The following MYO1C variants were observed in gnomAD, a reference collection of about 807,000 sequenced individuals.
The protein encoded by MYO1C is myosin IC.
Under a neutral mutation model 150.8 loss-of-function variants are expected in MYO1C, and 104 were observed. The observed-to-expected ratio is 0.69, with a 90% CI of 0.59 to 0.81. The LOEUF (loss-of-function observed/expected upper bound fraction) is 0.81, where lower values mean the gene tolerates loss of function less well. Ranked by LOEUF, MYO1C falls within the 30% of genes least tolerant of loss-of-function variation. MYO1C has a pLI of 0.00. For missense variants in MYO1C, 1,504 were observed against 1,435.0 expected (o/e 1.05, Z -0.78); for synonymous variants, 663 against 579.9 (o/e 1.14, Z -2.06).
intron 5 of MYO1C, 70 bp downstream of exon 5, chr17:1,482,408 A>T: frequency 7.4e-7 from 1 of 1,349,990 alleles, no homozygotes; most frequent in East Asian, 2.3e-5. Context: ...AGTCCCTGGT[A>T]CCCAGTAGGT....
chr17:1,483,650 G>A lies in MYO1C; in HGVS notation c.307C>T (p.Arg103Cys), dbSNP rs910022942. 5.0e-6 allele frequency: 8 copies of A among 1,612,918 alleles called. No homozygotes were observed. Among genetic ancestry groups the A allele is most frequent in the East Asian group, 2.2e-5 (1 of 44,878 alleles). ...LQIYSRQHME[R>C]YRGVSFYEVP... Reference sequence around the variant, plus strand: ...TCATAGAAGCTGACGCCACGGTAACGCTCCATATGCTGCCGGCTGTAGATC... The same window carrying A: ...TCATAGAAGCTGACGCCACGGTAACACTCCATATGCTGCCGGCTGTAGATC... The change falls in exon 3 of 32, where the codon CGT (arginine) becomes TGT (cysteine). Residue 103 changes from arginine (R) to cysteine (C), a missense_variant. Arg to Cys is a radical substitution (Grantham distance 180, BLOSUM62 -3). Transcript: ENST00000648651.
rs1362873213 is a variant in MYO1C at position 1,483,730 on chromosome 17, G to A, written c.232-5C>T. ...CAGGACGGGGCCAATGTAGGTCTGG[G>A]ATCGGGGGAAGAGGGTCCAAAGTTT... is the stretch of plus-strand genomic sequence containing the variant. On this transcript the variant is annotated splice_region_variant and splice_polypyrimidine_tract_variant and intron_variant, in intron 2 of 31. Transcript: ENST00000648651. The A allele has an allele frequency of 3.1e-6, 5 of 1,602,708 alleles. No homozygotes were observed. Among genetic ancestry groups the A allele is most frequent in the Non-Finnish European group, 4.3e-6 (5 of 1,173,672 alleles).
At position 1,467,537 on chromosome 17, in the gene MYO1C, A is replaced by G. The variant is rs1043216972; in HGVS notation, c.3008T>C (p.Leu1003Pro). 1 of 1,613,416 alleles carries G rather than the reference A, an allele frequency of 6.2e-7. No individual in the cohort carries two copies. The highest frequency in any genetic ancestry group is 8.5e-7 in the Non-Finnish European group (1 of 1,179,908). Reference sequence around the variant, plus strand: ...GTTGGCACTGAGGGCTGTCTTGGTCAGCGTCTCAATCACGTGGTCACTCTG... The same window carrying G: ...GTTGGCACTGAGGGCTGTCTTGGTCGGCGTCTCAATCACGTGGTCACTCTG... ...VLQSDHVIET[L>P]TKTALSANRV... Residue 1003 changes from leucine (L) to proline (P), a missense_variant, in exon 30 of 32, where the codon CTG becomes CCG. Coordinates refer to ENST00000648651, the MANE Select transcript of MYO1C (RefSeq NM_001080779.2).
intron 5 of MYO1C, 101 bp from the exon 6 acceptor site, chr17:1,480,986 T>C: frequency 7.5e-7 from 1 of 1,326,126 alleles, no homozygotes; most frequent in South Asian, 1.2e-5. Flanking sequence ...CAGCCAGACC[T>C]GGATGCCAAT....
chr17:1,482,852 G>A lies in MYO1C; in HGVS notation c.546+9C>T, dbSNP rs367625594. The A allele has an allele frequency of 2.2e-5, 35 of 1,608,394 alleles. No individual in the cohort carries two copies. The highest frequency in any genetic ancestry group is 1.7e-5 in the Admixed American group (1 of 59,718). On this transcript the variant is annotated intron_variant, in intron 4 of 31. Transcript: ENST00000648651. ...GCACTGGCACTGGGCTTCTCTCCCT[G>A]CCCCTCACCTCCAGCACCGGGTTGC...
intron 4 of MYO1C, 138 bp downstream of exon 4, chr17:1,482,723 T>TCCC (rs1567531601): frequency 1.1e-5 from 2 of 187,638 alleles, no homozygotes; most frequent in African/African-American, 1.9e-4. Flanking sequence ...CCTCCCCTCC[T>TCCC]GCACTGGGCT....
intron 1 of MYO1C, 62 bp from the exon 2 acceptor site, chr17:1,484,365 C>G: frequency 6.3e-7 from 1 of 1,589,814 alleles, no homozygotes; most frequent in Non-Finnish European, 8.5e-7. Flanking sequence ...GGCCACTTCC[C>G]TGCGCCTGTG....
intron 5 of MYO1C, 76 bp downstream of exon 5, chr17:1,482,402 C>A: frequency 7.6e-7 from 1 of 1,320,246 alleles, no homozygotes; most frequent in Non-Finnish European, 1.1e-6. Context: ...TGGAATAGTC[C>A]CTGGTACCCA....
chr17:1,474,852 A>C lies in MYO1C; in HGVS notation c.1676T>G (p.Leu559Arg), dbSNP rs1186830827. The part of the protein sequence containing the change: ...GEVTYSVTGF[L>R]DKNNDLLFRN... The stretch of plus-strand genomic sequence containing the variant: ...GAAGAGAAGGTCATTGTTTTTGTCC[A>C]GAAACCCTGGGAGGGGAGAACCGAC... Residue 559 changes from leucine to arginine, a missense_variant, in exon 16 of 32, where the codon CTG becomes CGG. Coordinates refer to ENST00000648651, the MANE Select transcript of MYO1C (RefSeq NM_001080779.2). 1 of 1,613,152 alleles carries C rather than the reference A, an allele frequency of 6.2e-7. No homozygotes were observed. Among genetic ancestry groups the C allele is most frequent in the East Asian group, 2.2e-5 (1 of 44,870 alleles).
At chr17:1,474,450 A>AG (rs1567521533) in intron 17 of MYO1C, among the ~76,000 whole-genome samples, 160 bp downstream of exon 17, 2 of 143,818 alleles carry the variant, frequency 1.4e-5, no homozygotes, top group Admixed American at 6.9e-5. Context: ...AAAAAAAAAA[A>AG]GTAGGCAAAG....
At chr17:1,484,534 A>C in intron 1 of MYO1C, 1 of 611,580 alleles carries the variant, frequency 1.6e-6, no homozygotes, top group East Asian at 2.8e-5. Flanking sequence ...CAGCAGAGGG[A>C]TCACCGAGGC....
rs2074223649 is a variant in MYO1C, at chr17:1,468,308, C to T, written c.2705G>A (p.Gly902Asp). ...VPRLFISTRL[G>D]TDEISPRVLQ... ...CACTCGGGGGCTGATCTCATCTGTA[C>T]CTGCAACTCAGATGGCGGGGAGGGA... Residue 902 changes from glycine to aspartate, a missense_variant and splice_region_variant, in exon 27 of 32, where the codon GGT (glycine) becomes GAT (aspartate). Gly to Asp is a moderately conservative substitution (Grantham distance 94). Transcript: ENST00000648651. 3 of 1,614,024 alleles carry T rather than the reference C, an allele frequency of 1.9e-6. No homozygotes were observed. The highest frequency in any genetic ancestry group is 2.5e-6 in the Non-Finnish European group (3 of 1,180,002).
In MYO1C at chr17:1,479,544, G is replaced by A. The variant is rs1279970195; in HGVS notation, c.1021-42C>T. 18 of 1,175,026 alleles carry A rather than the reference G, an allele frequency of 1.5e-5. No homozygotes were observed. The highest frequency in any genetic ancestry group is 2.1e-5 in the Non-Finnish European group (17 of 804,180). The allele number at this position is 1,175,026 out of a possible 1,614,324, so 72.8% of individuals were successfully genotyped here. A position where few individuals can be genotyped will look rare whatever the true frequency, so the allele number is the denominator to read the frequency against. ...AGGACACGGTGAGGGTGCACCCCCAGCCCCCGCCCCCGCCGTCCTCCCGTC... is the reference window on the plus strand; with the variant it reads ...AGGACACGGTGAGGGTGCACCCCCAACCCCCGCCCCCGCCGTCCTCCCGTC... On this transcript the variant is annotated intron_variant, in intron 8 of 31. Transcript: ENST00000648651. This position sits in a 1 kb window ranked among gnomAD's most constrained non-coding sequence, Gnocchi z 4.2.
At chr17:1,491,992 C>G (rs2074740925) in intron 1 of MYO1C, 1 of 216,494 alleles carries the variant, frequency 4.6e-6, no homozygotes, top group African/African-American at 2.3e-5. Context: ...TTCTACCCAC[C>G]CGTGACCCTT....
Position 1,470,695 on chromosome 17 carries a change from GT to G in MYO1C, c.2213-7del, listed in dbSNP as rs1228577472. The G allele has an allele frequency of 1.2e-6, 2 of 1,602,292 alleles. No individual in the cohort carries two copies. The highest frequency in any genetic ancestry group is 2.2e-5 in the East Asian group (1 of 44,846). On this transcript the variant is annotated splice_region_variant and splice_polypyrimidine_tract_variant and intron_variant, in intron 21 of 31. Coordinates refer to ENST00000648651, the MANE Select transcript of MYO1C (RefSeq NM_001080779.2). Reference sequence around the variant, plus strand: ...GGCAGCTTGGATCTTTGTGGCTGCGGTTGGGAAAGAAAGGCAATTGGCCAGA... The same window carrying G: ...GGCAGCTTGGATCTTTGTGGCTGCGGTGGGAAAGAAAGGCAATTGGCCAGA...
intron 29 of MYO1C, 98 bp from the exon 30 acceptor site, chr17:1,467,675 C>T: frequency 8.9e-7 from 1 of 1,121,878 alleles, no homozygotes; most frequent in Non-Finnish European, 1.3e-6. Context: ...AAATCCACCC[C>T]CATCCACCCT....
chr17:1,484,670 A>G (rs1378347299), intron 1 of MYO1C: 5 of 439,074 alleles, frequency 1.1e-5, no homozygotes, highest in Non-Finnish European at 2.1e-5. Flanking sequence ...GGGTCACAAG[A>G]AGGAACTCCT....
intron 1 of MYO1C, chr17:1,491,223 C>A (rs147616507): frequency 6.6e-6 from 1 of 152,288 alleles, no homozygotes; most frequent in East Asian, 1.9e-4. Flanking sequence ...CGGAGCCCCC[C>A]GCCCGTCACA....
chr17:1,485,848 C>T (rs1482964524), intron 1 of MYO1C: 12 of 351,048 alleles, frequency 3.4e-5, no homozygotes, highest in Non-Finnish European at 4.4e-5. Flanking sequence ...GCGGGGCTTC[C>T]CCGGCCTCCC....
Sources: allele counts gnomAD v4.1 joint callset (sites outside exome capture counted in the v4.1 genomes callset), GRCh38; gene constraint gnomAD v4.1.1; non-coding constraint Gnocchi (gnomAD v3.1); transcripts MANE v1.5; gene names NCBI Gene and HGNC (gene_info 2026-07-23, HGNC 2026-07-21).